The following MMP16 variants were observed in gnomAD, a reference collection of about 807,000 sequenced individuals.
MMP16 encodes matrix metallopeptidase 16.
MMP16 carries 12 observed loss-of-function variants against 67.8 expected under a neutral mutation model. The observed-to-expected ratio is 0.18, with a 90% CI of 0.11 to 0.29. MMP16 has a LOEUF of 0.29. Ranked by LOEUF, MMP16 falls within the 10% of genes least tolerant of loss-of-function variation. The pLI is 1.00. For synonymous variants in MMP16, 249 were observed against 255.9 expected, an observed-to-expected ratio of 0.97 and a Z score of 0.26; for missense variants, 475 against 765.7, an observed-to-expected ratio of 0.62 and a Z score of 4.48.
At chr8:88,116,417 G>C in intron 6 of MMP16, 90 bp downstream of exon 6, 1 of 1,096,224 alleles carries the variant, frequency 9.1e-7, no homozygotes, top group Non-Finnish European at 1.3e-6. Flanking sequence ...GGGCTGGGAA[G>C]GTAGTGTTAG....
intron 4 of MMP16, among the ~76,000 whole-genome samples, chr8:88,143,483 T>C (rs1808244681): frequency 6.6e-6 from 1 of 152,130 alleles, no homozygotes; most frequent in Non-Finnish European, 1.5e-5. Context: ...TATAATCTAT[T>C]CTGTCTAAAA....
intron 4 of MMP16, among the ~76,000 whole-genome samples, chr8:88,127,156 G>A (rs1235455463): frequency 6.6e-6 from 1 of 151,890 alleles, no homozygotes; most frequent in African/African-American, 2.4e-5. Context: ...GCAAACATAT[G>A]TGAGTGACAG....
At chr8:88,131,314 C>G (rs17721630) in intron 4 of MMP16, among the ~76,000 whole-genome samples, 28,814 of 150,918 alleles carry the variant, frequency 0.19, 3,132 homozygotes, top group Middle Eastern at 0.24. Context: ...TAAATTTCAT[C>G]ACCTAAACTA....
rs899274410 is a variant in MMP16, at chr8:88,262,773, C to T, written c.132+64302G>A. ...ATCCCAGCACTTTGGGAGGCCGAGGCGGGTGAATCACAAGGTCAGGAGATC... is the reference window on the plus strand; with the variant it reads ...ATCCCAGCACTTTGGGAGGCCGAGGTGGGTGAATCACAAGGTCAGGAGATC... On this transcript the variant is annotated intron_variant, in intron 1 of 9. Coordinates refer to ENST00000286614, the MANE Select transcript of MMP16 (RefSeq NM_005941.5). Among the ~76,000 whole-genome samples, 5 of 135,404 alleles carry T rather than the reference C, an allele frequency of 3.7e-5. No homozygotes were observed. In the South Asian group the frequency reaches 7.2e-4, roughly 20 times the overall value. The allele number at this position is 135,404 out of a possible 152,430, so 88.8% of individuals were successfully genotyped here. A position where few individuals can be genotyped will look rare whatever the true frequency, so the allele number is the denominator to read the frequency against.
chr8:88,093,885 T>A (rs28906384), intron 6 of MMP16, among the ~76,000 whole-genome samples: 2 of 151,860 alleles, frequency 1.3e-5, no homozygotes, highest in Non-Finnish European at 2.9e-5. Context: ...AATGACACTA[T>A]AAATGTTTCA....
At chr8:88,183,656 G>A (rs937289680) in intron 3 of MMP16, among the ~76,000 whole-genome samples, 6 of 149,942 alleles carry the variant, frequency 4.0e-5, no homozygotes, top group African/African-American at 1.5e-4. Flanking sequence ...ACTATATAAC[G>A]AAAGTGTAGT....
intron 3 of MMP16, among the ~76,000 whole-genome samples, chr8:88,168,796 T>A (rs576615356): frequency 2.0e-5 from 3 of 152,158 alleles, no homozygotes; most frequent in Non-Finnish European, 4.4e-5. Context: ...GTAAATTTCA[T>A]AGGAGTCATA....
intron 1 of MMP16, among the ~76,000 whole-genome samples, chr8:88,321,294 C>G (rs1374932967): frequency 6.6e-6 from 1 of 152,074 alleles, no homozygotes; most frequent in African/African-American, 2.4e-5. Context: ...TATACATATA[C>G]AGAGAGACAG....
intron 1 of MMP16, among the ~76,000 whole-genome samples, chr8:88,200,590 A>G (rs1809328488): frequency 6.6e-6 from 1 of 152,080 alleles, no homozygotes; most frequent in Non-Finnish European, 1.5e-5. Flanking sequence ...TGATATATCC[A>G]GCAGTAAAAG....
At chr8:88,078,384 T>C (rs1386257419) in intron 6 of MMP16, among the ~76,000 whole-genome samples, 1 of 152,188 alleles carries the variant, frequency 6.6e-6, no homozygotes, top group African/African-American at 2.4e-5. Flanking sequence ...GTGTACACCA[T>C]GGAGCAGTAA....
chr8:88,192,213 A>T (rs2129769327), intron 2 of MMP16, among the ~76,000 whole-genome samples: 1 of 152,342 alleles, frequency 6.6e-6, no homozygotes. Flanking sequence ...GAAGATTTTT[A>T]AAAGTAAATT....
At chr8:88,101,157 T>C (rs900610503) in intron 6 of MMP16, among the ~76,000 whole-genome samples, 6 of 151,816 alleles carry the variant, frequency 4.0e-5, no homozygotes, top group Admixed American at 3.9e-4. Flanking sequence ...AAAAAGATTC[T>C]CATTATACAG....
chr8:88,197,715 A>T, intron 1 of MMP16, among the ~76,000 whole-genome samples: 1 of 152,142 alleles, frequency 6.6e-6, no homozygotes, highest in Non-Finnish European at 1.5e-5. Context: ...GTCAATGTGC[A>T]TATACCACAT....
At chr8:88,258,730 G>C (rs1810342669) in intron 1 of MMP16, among the ~76,000 whole-genome samples, 4 of 152,098 alleles carry the variant, frequency 2.6e-5, no homozygotes, top group Admixed American at 2.6e-4. Flanking sequence ...TAGGCAAAAT[G>C]AATCATGTTG....
intron 1 of MMP16, among the ~76,000 whole-genome samples, chr8:88,242,293 T>A (rs1166873420): frequency 1.3e-5 from 2 of 152,230 alleles, no homozygotes; most frequent in Non-Finnish European, 2.9e-5. Flanking sequence ...TCTTTCTTTT[T>A]TACCTTTGTT....
chr8:88,083,732 A>G (rs1380114701), intron 6 of MMP16, among the ~76,000 whole-genome samples: 1 of 152,050 alleles, frequency 6.6e-6, no homozygotes, highest in Non-Finnish European at 1.5e-5. Context: ...CTTTTTAGAG[A>G]AGAATGCCTA....
At chr8:88,124,890 C>T (rs1049594618) in intron 4 of MMP16, among the ~76,000 whole-genome samples, 7 of 151,836 alleles carry the variant, frequency 4.6e-5, no homozygotes, top group African/African-American at 1.7e-4. Context: ...ATACTCACTT[C>T]GTAAACAGAG....
At chr8:88,110,738 C>G (rs1449497000) in intron 6 of MMP16, among the ~76,000 whole-genome samples, 1 of 151,604 alleles carries the variant, frequency 6.6e-6, no homozygotes, top group Non-Finnish European at 1.5e-5. Context: ...CTGTTTCACT[C>G]ACCTCCTTTA....
chr8:88,060,372 A>G (rs1352879893), intron 7 of MMP16, among the ~76,000 whole-genome samples: 2 of 151,946 alleles, frequency 1.3e-5, no homozygotes, highest in African/African-American at 2.4e-5. Context: ...CTTTTTATCT[A>G]TCCTCCACAA....
Sources: allele counts gnomAD v4.1 joint callset (sites outside exome capture counted in the v4.1 genomes callset), GRCh38; gene constraint gnomAD v4.1.1; transcripts MANE v1.5; gene names NCBI Gene and HGNC (gene_info 2026-07-23, HGNC 2026-07-21).